The following KIAA0513 variants were observed in gnomAD, a reference collection of about 807,000 sequenced individuals.
KIAA0513 encodes the protein KIAA0513, also known as uncharacterized protein KIAA0513.
In KIAA0513, 39 loss-of-function variants were observed where a neutral mutation model predicts 56.5. The observed-to-expected ratio is 0.69, with a 90% CI of 0.53 to 0.90. KIAA0513 has a LOEUF of 0.90. KIAA0513 is among the 40% of genes least tolerant of loss of function. KIAA0513 has a pLI of 0.00. For synonymous variants in KIAA0513, 268 were observed against 215.6 expected (o/e 1.24, Z -2.13); for missense variants, 591 against 535.2 (o/e 1.10, Z -1.03).
At chr16:85,043,751 G>C (rs1331750206) in intron 1 of KIAA0513, among the ~76,000 whole-genome samples, 1 of 152,044 alleles carries the variant, frequency 6.6e-6, no homozygotes, top group African/African-American at 2.4e-5. Flanking sequence ...CCTTACTTGA[G>C]TCCGGACGCG....
chr16:85,057,704 G>C (rs552919883), intron 1 of KIAA0513, among the ~76,000 whole-genome samples: 1 of 152,100 alleles, frequency 6.6e-6, no homozygotes, highest in African/African-American at 2.4e-5. Flanking sequence ...GCCAGAGCTA[G>C]CCCGTATGCC....
Position 85,088,133 on chromosome 16 carries a change from G to T in KIAA0513, c.1187-143G>T, listed in dbSNP as rs897787224. 4.1e-5 allele frequency: 30 copies of T among 727,500 alleles called. 1 individual carries two copies. In the Middle Eastern group the frequency reaches 1.9e-3, roughly 46 times the overall value. The allele number at this position is 727,500 out of a possible 1,614,324, so 45.1% of individuals were successfully genotyped here. On this transcript the variant is annotated intron_variant, in intron 12 of 12. Coordinates refer to ENST00000683363, the MANE Select transcript of KIAA0513 (RefSeq NM_001388359.1). The stretch of plus-strand genomic sequence containing the variant: ...TGCCCTGAAGCACGCAAGCCGTGTG[G>T]CCTGCAGAAGGCAGTGTGGTTCAGG...
chr16:85,051,838 G>C (rs1252176028), intron 1 of KIAA0513, among the ~76,000 whole-genome samples: 1 of 148,954 alleles, frequency 6.7e-6, no homozygotes, highest in Admixed American at 6.7e-5. Context: ...TTTTTTTTAA[G>C]AGACGGGGTC....
At chr16:85,075,736 A>C in intron 4 of KIAA0513, 108 bp from the exon 5 acceptor site, 16 of 883,550 alleles carry the variant, frequency 1.8e-5, no homozygotes, top group Non-Finnish European at 2.6e-5. Flanking sequence ...CCAGTGGGGA[A>C]GATATTAATT....
At chr16:85,083,764 G>C (rs2073775624) in intron 10 of KIAA0513, among the ~76,000 whole-genome samples, 1 of 152,354 alleles carries the variant, frequency 6.6e-6, no homozygotes, top group South Asian at 2.1e-4. Context: ...CCCAGAAGAA[G>C]GCTGAATATT....
At chr16:85,030,033 G>A (rs542950318) in intron 1 of KIAA0513, among the ~76,000 whole-genome samples, 3 of 152,162 alleles carry the variant, frequency 2.0e-5, no homozygotes, top group Non-Finnish European at 1.5e-5. Context: ...GGGCGGATCC[G>A]GGTGGTTTGT....
chr16:85,086,931 G>C (rs779223146), intron 11 of KIAA0513, 141 bp from the exon 12 acceptor site: 4 of 862,500 alleles, frequency 4.6e-6, no homozygotes, highest in Admixed American at 2.4e-5. Flanking sequence ...GTTGCTGGTG[G>C]CTAATTAGGC....
rs367599392 is a variant in KIAA0513, at chr16:85,089,047, G to C, written c.*722G>C. On this transcript the variant is annotated 3_prime_UTR_variant, in exon 13 of 13. Coordinates refer to ENST00000683363, the MANE Select transcript of KIAA0513 (RefSeq NM_001388359.1). This position sits in a 1 kb window ranked among gnomAD's most constrained non-coding sequence, Gnocchi z 4.2. ...TCTCCGCCAGAGTCACAGCAGTGCC[G>C]AGGTGTCCGCGGCAGACCACACAGA... 1 of 152,328 alleles carries C rather than the reference G, an allele frequency of 6.6e-6. No homozygotes were observed. Among genetic ancestry groups the C allele is most frequent in the East Asian group, 1.9e-4 (1 of 5,204 alleles). The allele number at this position is 152,328 out of a possible 1,614,324, so 9.4% of individuals were successfully genotyped here.
chr16:85,058,096 A>G (rs1471990791), intron 1 of KIAA0513, among the ~76,000 whole-genome samples: 1 of 152,166 alleles, frequency 6.6e-6, no homozygotes, highest in Admixed American at 6.5e-5. Flanking sequence ...CGCGGATGCT[A>G]TTTTGGTTAT....
chr16:85,054,762 C>T (rs771332700), intron 1 of KIAA0513, among the ~76,000 whole-genome samples: 16 of 151,850 alleles, frequency 1.1e-4, no homozygotes, highest in Admixed American at 3.3e-4. Context: ...ATCATCCTGT[C>T]GCCAGCAGTG....
intron 1 of KIAA0513, among the ~76,000 whole-genome samples, chr16:85,036,841 A>G (rs931505240): frequency 6.6e-6 from 1 of 152,178 alleles, no homozygotes; most frequent in African/African-American, 2.4e-5. Flanking sequence ...GGATCTTCAT[A>G]GCTCCCAGAA....
At chr16:85,044,151 C>G (rs2073139926) in intron 1 of KIAA0513, among the ~76,000 whole-genome samples, 1 of 152,230 alleles carries the variant, frequency 6.6e-6, no homozygotes, top group Non-Finnish European at 1.5e-5. Context: ...CCCACCTTAT[C>G]TTTTCCTTTT....
chr16:85,072,455 T>G (rs1282521833), intron 3 of KIAA0513, among the ~76,000 whole-genome samples: 1 of 151,786 alleles, frequency 6.6e-6, no homozygotes, highest in Non-Finnish European at 1.5e-5. Flanking sequence ...AAGAATTAAA[T>G]TTTGTAAATA....
intron 1 of KIAA0513, among the ~76,000 whole-genome samples, chr16:85,050,089 A>G (rs754815370): frequency 2.6e-5 from 4 of 151,380 alleles, no homozygotes; most frequent in Non-Finnish European, 5.9e-5. Flanking sequence ...AATGGAACCA[A>G]CTCAGTCAAT....
intron 1 of KIAA0513, among the ~76,000 whole-genome samples, chr16:85,037,787 T>C (rs1249800902): frequency 2.6e-5 from 4 of 152,182 alleles, no homozygotes; most frequent in African/African-American, 9.7e-5. Context: ...GAAGTAGAAT[T>C]AACAAAGTCA....
intron 9 of KIAA0513, among the ~76,000 whole-genome samples, chr16:85,082,095 T>C (rs939990134): frequency 6.6e-6 from 1 of 152,206 alleles, no homozygotes; most frequent in Non-Finnish European, 1.5e-5. Context: ...GGGGAGACCC[T>C]CTACCCTTCA....
In KIAA0513 at chr16:85,081,223, G is replaced by A; in HGVS notation, c.903-92G>A. 8.9e-7 allele frequency: 1 copy of A among 1,120,502 alleles called. No homozygotes were observed. The highest frequency in any genetic ancestry group is 1.4e-6 in the Non-Finnish European group (1 of 734,994). 69.4% of individuals were successfully genotyped at this position (1,120,502 alleles called of 1,614,324 possible). A position where few individuals can be genotyped will look rare whatever the true frequency, so the allele number is the denominator to read the frequency against. On this transcript the variant is annotated intron_variant, in intron 8 of 12. Coordinates refer to ENST00000683363, the MANE Select transcript of KIAA0513 (RefSeq NM_001388359.1). The surrounding 1 kb of genome is among the most constrained non-coding windows in gnomAD (Gnocchi z 4.4). ...TTCTTAGAAGCTCAGACAGATGTGA[G>A]ACACTGCCCTTGTTTATCCCTCAAG...
chr16:85,067,547 G>A lies in KIAA0513; in HGVS notation c.329+147G>A, dbSNP rs934237415. 30 of 643,822 alleles carry A rather than the reference G, an allele frequency of 4.7e-5. 2 individuals are homozygous for A. The South Asian group carries it at 5.8e-4, about 12-fold the overall frequency. 39.9% of individuals were successfully genotyped at this position (643,822 alleles called of 1,614,324 possible). On this transcript the variant is annotated intron_variant, in intron 2 of 12. Transcript: ENST00000683363. Reference sequence around the variant, plus strand: ...ATCAGCCAGGGGTGGCGACTGCAGGGGCCTCACTCCACTCCAGGCTGCATG... The same window carrying A: ...ATCAGCCAGGGGTGGCGACTGCAGGAGCCTCACTCCACTCCAGGCTGCATG...
intron 1 of KIAA0513, among the ~76,000 whole-genome samples, chr16:85,057,004 C>A (rs1363344149): frequency 6.6e-6 from 1 of 152,178 alleles, no homozygotes; most frequent in Non-Finnish European, 1.5e-5. Flanking sequence ...TGCACCCAGC[C>A]GAGATACTTG....
Sources: gnomAD v4.1 joint callset for allele counts (sites outside exome capture counted in the v4.1 genomes callset) on GRCh38, gnomAD v4.1.1 for gene constraint, Gnocchi (gnomAD v3.1) non-coding constraint, MANE v1.5 for transcripts, NCBI Gene and HGNC (gene_info 2026-07-23, HGNC 2026-07-21) for gene names.